Variants in ITGA8 observed in about 807,000 individuals in gnomAD.
The protein encoded by ITGA8 is integrin subunit alpha 8, also known as integrin alpha-8.
A neutral mutation model predicts 142.3 loss-of-function variants in ITGA8; 91 were observed. The ratio of observed to expected loss-of-function variants is 0.64; its 90% CI spans 0.54 to 0.76. The LOEUF (loss-of-function observed/expected upper bound fraction) is 0.76, where lower values mean the gene tolerates loss of function less well. Among genes scored for constraint, ITGA8 ranks in the 30% least tolerant of loss-of-function variants. The pLI, the probability that ITGA8 is intolerant of heterozygous loss-of-function variation, is 0.00. For missense variants in ITGA8, 1,406 were observed against 1,327.7 expected, an observed-to-expected ratio of 1.06 and a Z score of -0.92; for synonymous variants, 505 against 485.2, an observed-to-expected ratio of 1.04 and a Z score of -0.54.
chr10:15,627,054 G>A (rs554764024), intron 13 of ITGA8, among the ~76,000 whole-genome samples: 4 of 152,160 alleles, frequency 2.6e-5, no homozygotes, highest in African/African-American at 9.6e-5. Flanking sequence ...CATGAGCCAG[G>A]TCCCACCCTA....
At chr10:15,556,129 C>A (rs1436157024) in intron 26 of ITGA8, among the ~76,000 whole-genome samples, 1 of 140,046 alleles carries the variant, frequency 7.1e-6, no homozygotes, top group Admixed American at 8.1e-5. Context: ...CTAGTTCAAG[C>A]GATTCTCCTG....
chr10:15,613,433 G>C (rs538278065), intron 15 of ITGA8, among the ~76,000 whole-genome samples: 1 of 152,214 alleles, frequency 6.6e-6, no homozygotes, highest in East Asian at 1.9e-4. Context: ...ATGGTAAGTC[G>C]ATAGCCAAAG....
intron 25 of ITGA8, 81 bp from the exon 26 acceptor site, chr10:15,558,283 A>T: frequency 1.3e-6 from 2 of 1,487,804 alleles, no homozygotes; most frequent in South Asian, 1.3e-5. Flanking sequence ...ACTCTAGGCA[A>T]TTTTTTTTTC....
At chr10:15,692,360 A>G (rs562903526) in intron 2 of ITGA8, among the ~76,000 whole-genome samples, 6 of 152,292 alleles carry the variant, frequency 3.9e-5, no homozygotes, top group Middle Eastern at 3.4e-3. Flanking sequence ...TATGTATTCA[A>G]CCATGACATT....
At chr10:15,664,503 C>CT (rs35181554) in intron 8 of ITGA8, among the ~76,000 whole-genome samples, 19 of 137,168 alleles carry the variant, frequency 1.4e-4, no homozygotes, top group African/African-American at 3.1e-4. Context: ...TTCATTTACT[C>CT]TTTTTTTTTT....
intron 13 of ITGA8, among the ~76,000 whole-genome samples, chr10:15,625,807 AC>A (rs1833571523): frequency 6.6e-6 from 1 of 152,232 alleles, no homozygotes; most frequent in African/African-American, 2.4e-5. Flanking sequence ...ATATGAGGGT[AC>A]GGGAGTCCTC....
intron 24 of ITGA8, among the ~76,000 whole-genome samples, chr10:15,573,176 C>T (rs766213077): frequency 6.6e-6 from 1 of 151,508 alleles, no homozygotes; most frequent in African/African-American, 2.4e-5. Flanking sequence ...ATCAAAGAAG[C>T]TTGGCAACCA....
At chr10:15,639,598 A>G (rs537981341) in intron 13 of ITGA8, among the ~76,000 whole-genome samples, 138 of 152,200 alleles carry the variant, frequency 9.1e-4, no homozygotes, top group African/African-American at 3.2e-3. Flanking sequence ...GAGGAATCTC[A>G]CCCCACCCGC....
chr10:15,607,490 A>T (rs548223196), intron 17 of ITGA8, among the ~76,000 whole-genome samples, 187 bp downstream of exon 17: 16 of 152,212 alleles, frequency 1.1e-4, no homozygotes, highest in Non-Finnish European at 2.2e-4. Flanking sequence ...ATAGCAACAC[A>T]TCATCAGGTT....
Position 15,519,355 on chromosome 10 carries a change from C to A in ITGA8, c.3040G>T (p.Val1014Leu), listed in dbSNP as rs374828675. The A allele has an allele frequency of 6.2e-7, 1 of 1,613,262 alleles. No individual in the cohort carries two copies. Among genetic ancestry groups the A allele is most frequent in the Non-Finnish European group, 8.5e-7 (1 of 1,179,480 alleles). ...CCAAGAAGTATTGCTAGTATTATTA[C>A]CCATAATGGGATTGAGAAGGAAACA... ...PNVSFSIPLW[V>L]IILAILLGLL... is the part of the protein sequence containing the mutation. The change falls in exon 29 of 30, where the codon GTA becomes TTA. Residue 1014 changes from valine (V) to leucine (L), a missense_variant. Coordinates refer to ENST00000378076, the MANE Select transcript of ITGA8 (RefSeq NM_003638.3).
intron 13 of ITGA8, among the ~76,000 whole-genome samples, chr10:15,621,352 A>T (rs1171733600): frequency 6.6e-6 from 1 of 152,118 alleles, no homozygotes; most frequent in African/African-American, 2.4e-5. Context: ...CAAAAAGGGG[A>T]CATTGGCATG....
intron 2 of ITGA8, among the ~76,000 whole-genome samples, chr10:15,701,448 C>A (rs1835161959): frequency 6.6e-6 from 1 of 152,010 alleles, no homozygotes; most frequent in African/African-American, 2.4e-5. Flanking sequence ...CCATTTCTGG[C>A]CTTTGAAGCT....
intron 13 of ITGA8, among the ~76,000 whole-genome samples, chr10:15,639,965 C>T (rs1247631710): frequency 6.6e-6 from 1 of 152,036 alleles, no homozygotes; most frequent in African/African-American, 2.4e-5. Context: ...GTTGTGCAAA[C>T]CCTTATCAAC....
chr10:15,630,235 A>C (rs1257694041), intron 13 of ITGA8, among the ~76,000 whole-genome samples: 2 of 152,078 alleles, frequency 1.3e-5, no homozygotes, highest in Non-Finnish European at 2.9e-5. Flanking sequence ...ACTGGATTTT[A>C]AGTAGAGTTG....
Position 15,672,667 on chromosome 10 carries a change from C to T in ITGA8, c.759G>A (p.Lys253=). ...KDILRKLAGE[K]QTEVAPASYD... ...AGGAAGCTGGAGCCACTTCCGTCTGCTTTTCTCCTGCCAGTTTCCTGAGGA... is the reference window on the plus strand; with the variant it reads ...AGGAAGCTGGAGCCACTTCCGTCTGTTTTTCTCCTGCCAGTTTCCTGAGGA... The change falls in exon 7 of 30, where the codon AAG becomes AAA. Residue 253 remains lysine, a synonymous_variant. Transcript: ENST00000378076. 6.2e-7 allele frequency: 1 copy of T among 1,613,892 alleles called. No individual in the cohort carries two copies. The highest frequency in any genetic ancestry group is 8.5e-7 in the Non-Finnish European group (1 of 1,179,868).
intron 27 of ITGA8, among the ~76,000 whole-genome samples, chr10:15,543,433 C>T (rs61597272): frequency 0.055 from 8,387 of 152,272 alleles, 745 homozygotes; most frequent in African/African-American, 0.19. Context: ...ACTGCAAGAG[C>T]ATCTGCACTG....
intron 26 of ITGA8, among the ~76,000 whole-genome samples, chr10:15,549,588 C>A (rs939083751): frequency 1.3e-5 from 2 of 152,138 alleles, no homozygotes; most frequent in African/African-American, 4.8e-5. Flanking sequence ...GTGCCATGCA[C>A]AGAATGATAC....
At chr10:15,571,640 C>G (rs1439558210) in intron 25 of ITGA8, among the ~76,000 whole-genome samples, 1 of 152,156 alleles carries the variant, frequency 6.6e-6, no homozygotes, top group Non-Finnish European at 1.5e-5. Context: ...AGGTCCAACC[C>G]CAGCCCCTGC....
intron 27 of ITGA8, among the ~76,000 whole-genome samples, chr10:15,543,280 G>C (rs1833606485): frequency 6.6e-6 from 1 of 152,116 alleles, no homozygotes; most frequent in African/African-American, 2.4e-5. Flanking sequence ...TGTTAGTCAG[G>C]GGCATATCTC....
Sources: allele counts gnomAD v4.1 joint callset (sites outside exome capture counted in the v4.1 genomes callset), GRCh38; gene constraint gnomAD v4.1.1; transcripts MANE v1.5; gene names NCBI Gene and HGNC (gene_info 2026-07-23, HGNC 2026-07-21).